Variants in SGCD observed in about 807,000 individuals in gnomAD.
SGCD encodes sarcoglycan delta, also known as delta-sarcoglycan.
A neutral mutation model predicts 36.6 loss-of-function variants in SGCD; 18 were observed. The observed-to-expected ratio is 0.49, with a 90% CI of 0.34 to 0.73. The LOEUF is 0.73. Ranked by LOEUF, SGCD falls within the 30% of genes least tolerant of loss-of-function variation. The pLI, the probability that SGCD is intolerant of heterozygous loss-of-function variation, is 0.01. For missense variants in SGCD, 387 were observed against 346.7 expected (o/e 1.12, Z -0.92); for synonymous variants, 133 against 130.6 (o/e 1.02, Z -0.12).
intron 1 of SGCD, among the ~76,000 whole-genome samples, chr5:156,069,942 G>T (rs1760487748): frequency 1.3e-5 from 2 of 151,896 alleles, no homozygotes; most frequent in African/African-American, 2.4e-5. Context: ...GTCTGTTATT[G>T]GTGTATAAGA....
intron 3 of SGCD, among the ~76,000 whole-genome samples, chr5:156,244,523 G>C (rs1765393043): frequency 6.6e-6 from 1 of 152,056 alleles, no homozygotes; most frequent in African/African-American, 2.4e-5. Flanking sequence ...TGGGACATTG[G>C]GTTCAGTGTT....
At chr5:156,095,209 A>G (rs1034817507) in intron 1 of SGCD, among the ~76,000 whole-genome samples, 12 of 152,194 alleles carry the variant, frequency 7.9e-5, no homozygotes, top group Non-Finnish European at 1.6e-4. Context: ...TGCAATCCCA[A>G]GAGGTATGCC....
rs529820403 is a variant in SGCD, at chr5:156,193,650, C to T, written c.-44+69631C>T. 5.9e-5 allele frequency among the ~76,000 whole-genome samples: 9 copies of T among 152,236 alleles called. No homozygotes were observed. The South Asian group carries it at 1.5e-3, about 25-fold the overall frequency. ...GTCTTGTTACAGGATTCTCCTTTGA[C>T]CGAAAGGCCAATACCAGAATGTCTG... On this transcript the variant is annotated intron_variant, in intron 3 of 9. Transcript: ENST00000517913.
chr5:156,531,668 C>T (rs530525087), intron 4 of SGCD, among the ~76,000 whole-genome samples: 1 of 152,250 alleles, frequency 6.6e-6, no homozygotes, highest in East Asian at 1.9e-4. Context: ...AAAGTCAATT[C>T]TTAAAATTTC....
At chr5:155,757,431 C>A in the SGCD span, among the ~76,000 whole-genome samples, 1 of 152,148 alleles carries the variant, frequency 6.6e-6, no homozygotes, top group African/African-American at 2.4e-5. Context: ...CTCATTTAAT[C>A]TTTATAACTT....
the SGCD span, among the ~76,000 whole-genome samples, chr5:155,837,564 G>C: frequency 6.6e-6 from 1 of 152,156 alleles, no homozygotes; most frequent in East Asian, 1.9e-4. Context: ...TGTTTCTCCA[G>C]ATTTACACAA....
intron 3 of SGCD, among the ~76,000 whole-genome samples, chr5:156,369,377 A>T (rs190250601): frequency 0.011 from 1,646 of 152,300 alleles, 97 homozygotes; most frequent in Admixed American, 0.1. Context: ...GGCCTGAAAC[A>T]ATCCACTTAG....
At chr5:156,759,188 A>G (rs762979337) in intron 8 of SGCD, 29 bp from the exon 9 acceptor site, 1 of 1,598,680 alleles carries the variant, frequency 6.3e-7, no homozygotes, top group South Asian at 1.1e-5. Context: ...CCTCTGACCA[A>G]TGCTTTCCTT....
intron 3 of SGCD, among the ~76,000 whole-genome samples, chr5:156,303,973 G>A (rs987010377): frequency 6.6e-6 from 1 of 151,994 alleles, no homozygotes; most frequent in South Asian, 2.1e-4. Context: ...CCTGGCTGGT[G>A]TCTCGCTAGG....
At chr5:156,481,821 G>T (rs749706964) in intron 3 of SGCD, among the ~76,000 whole-genome samples, 21 of 152,270 alleles carry the variant, frequency 1.4e-4, no homozygotes, top group South Asian at 8.3e-4. Flanking sequence ...CGGAACCCAG[G>T]GCCAAGGATT....
intron 1 of SGCD, among the ~76,000 whole-genome samples, chr5:155,906,909 A>G (rs1346683457): frequency 7.8e-6 from 1 of 128,512 alleles, no homozygotes; most frequent in East Asian, 2.6e-4. Flanking sequence ...AATGCATATG[A>G]AACAGCCATC....
At chr5:156,597,298 C>G (rs1010295702) in intron 6 of SGCD, among the ~76,000 whole-genome samples, 1 of 152,140 alleles carries the variant, frequency 6.6e-6, no homozygotes, top group East Asian at 1.9e-4. Context: ...TGTTCTCACC[C>G]TGCTAATAAA....
chr5:156,569,489 G>A (rs796495568), intron 4 of SGCD, among the ~76,000 whole-genome samples: 25 of 152,130 alleles, frequency 1.6e-4, no homozygotes, highest in African/African-American at 5.5e-4. Flanking sequence ...CTACTCAGGA[G>A]ACTGAGGCAG....
intron 6 of SGCD, among the ~76,000 whole-genome samples, chr5:156,620,407 G>T (rs539685117): frequency 2.0e-5 from 3 of 152,148 alleles, no homozygotes; most frequent in Non-Finnish European, 2.9e-5. Context: ...ATTCTTGTAC[G>T]GGTATCAAAG....
chr5:156,720,528 A>G (rs1030335630), intron 7 of SGCD, among the ~76,000 whole-genome samples: 1 of 152,196 alleles, frequency 6.6e-6, no homozygotes, highest in Admixed American at 6.5e-5. Context: ...ATATTCAGAC[A>G]GGAGGATGGA....
intron 3 of SGCD, among the ~76,000 whole-genome samples, chr5:156,229,275 T>TATATATATATATATATATATATATAC (rs1554085585): frequency 1.8e-5 from 1 of 55,088 alleles, no homozygotes; most frequent in African/African-American, 9.0e-5. Context: ...TATATATACA[T>TATATATATATATATATATATATATAC]ACATATATAT....
At chr5:155,895,167 C>T (rs908536447) in intron 1 of SGCD, among the ~76,000 whole-genome samples, 4 of 152,134 alleles carry the variant, frequency 2.6e-5, no homozygotes, top group Admixed American at 1.3e-4. Flanking sequence ...TCTTCCTATC[C>T]GTACAAAACA....
intron 3 of SGCD, among the ~76,000 whole-genome samples, chr5:156,199,149 G>A (rs1764086658): frequency 6.6e-6 from 1 of 152,084 alleles, no homozygotes; most frequent in South Asian, 2.1e-4. Context: ...TGCCTGTAGA[G>A]TCTGTACATG....
chr5:156,079,534 C>T (rs1329553307), intron 1 of SGCD, among the ~76,000 whole-genome samples: 1 of 152,136 alleles, frequency 6.6e-6, no homozygotes, highest in East Asian at 1.9e-4. Flanking sequence ...GTATTTACTT[C>T]CAGGATACAA....
Sources: allele counts gnomAD v4.1 joint callset (sites outside exome capture counted in the v4.1 genomes callset), GRCh38; gene constraint gnomAD v4.1.1; transcripts MANE v1.5; gene names NCBI Gene and HGNC (gene_info 2026-07-23, HGNC 2026-07-21).